Variants in AACS observed in about 807,000 individuals in gnomAD.
AACS encodes acetoacetyl-CoA synthetase, also known as acetoacetate-CoA ligase.
AACS carries 69 observed loss-of-function variants against 83.1 expected under a neutral mutation model. The ratio of observed to expected loss-of-function variants is 0.83; its 90% CI spans 0.68 to 1.01. AACS has a LOEUF of 1.01. Among genes scored for constraint, AACS ranks in the 50% least tolerant of loss-of-function variants. The pLI, the probability that AACS is intolerant of heterozygous loss-of-function variation, is 0.00. For synonymous variants in AACS, 333 were observed against 343.4 expected (o/e 0.97, Z 0.33); for missense variants, 866 against 882.2 (o/e 0.98, Z 0.23).
intron 3 of AACS, among the ~76,000 whole-genome samples, chr12:125,083,660 G>C (rs1186462345): frequency 6.6e-6 from 1 of 151,426 alleles, no homozygotes; most frequent in Non-Finnish European, 1.5e-5. Flanking sequence ...TTTTTTGTTT[G>C]TTTGTTTGTT....
rs746735185 is a variant in AACS at position 125,076,603 on chromosome 12, A to T, written c.350A>T (p.Tyr117Phe). Residue 117 changes from tyrosine to phenylalanine, a missense_variant, in exon 3 of 18, where the codon TAC (tyrosine) becomes TTC (phenylalanine). By Grantham distance (22) the Tyr-to-Phe change is conservative. Transcript: ENST00000316519. ...AAAGAGAATGACAGAGTTGCCCTTT[A>T]CATTGCAAGTAAGTCCTGATGGCGA... The part of the protein sequence containing the change: ...RHKENDRVAL[Y>F]IAREGKEEIV... 3 of 1,614,108 alleles carry T rather than the reference A, an allele frequency of 1.9e-6. No homozygotes were observed. In the South Asian group the frequency reaches 3.3e-5, roughly 18 times the overall value.
At position 125,136,763 on chromosome 12, in the gene AACS, G is replaced by A. The variant is rs200966429; in HGVS notation, c.1780G>A (p.Ala594Thr). The change falls in exon 17 of 18, where the codon GCC becomes ACC. Residue 594 changes from alanine (A) to threonine (T), a missense_variant. By Grantham distance (58) the Ala-to-Thr change is moderately conservative. Transcript: ENST00000316519. ...CTTCCTGAAGATGGCCTCCGGGCAC[G>A]CCTTCCAGCCTGACTTGGTTAAGAG... is the stretch of plus-strand genomic sequence containing the variant. ...ILFLKMASGH[A>T]FQPDLVKRIR... is the part of the protein sequence containing the mutation. The A allele has an allele frequency of 1.5e-5, 24 of 1,613,986 alleles. No homozygotes were observed. The South Asian group carries it at 1.8e-4, about 12-fold the overall frequency.
intron 16 of AACS, 29 bp downstream of exon 16, chr12:125,134,881 C>T (rs942635933): frequency 1.1e-5 from 17 of 1,613,600 alleles, no homozygotes; most frequent in Non-Finnish European, 1.4e-5. Flanking sequence ...TGAGCGTTCT[C>T]CAGTCTCCAG....
chr12:125,073,973 T>C lies in AACS; in HGVS notation c.231T>C (p.Tyr77=), dbSNP rs1955947308. The C allele has an allele frequency of 6.2e-7, 1 of 1,612,226 alleles. No individual in the cohort carries two copies. Among genetic ancestry groups the C allele is most frequent in the East Asian group, 2.2e-5 (1 of 44,892 alleles). ...GTGGAATTGTCTTCTCACGTGTGTA[T>C]GATGAGGTAAGTAGAGATTTTCCGT... is the stretch of plus-strand genomic sequence containing the variant. ...KFSGIVFSRV[Y]DEVVDTSKGI... Residue 77 remains tyrosine (Y), a synonymous_variant, in exon 2 of 18, where the codon TAT becomes TAC. Coordinates refer to ENST00000316519, the MANE Select transcript of AACS (RefSeq NM_023928.5).
chr12:125,067,834 G>A (rs10846819), intron 1 of AACS, among the ~76,000 whole-genome samples: 5 of 152,134 alleles, frequency 3.3e-5, no homozygotes, highest in African/African-American at 4.8e-5. Flanking sequence ...GTGCTCGGCC[G>A]ACTACCTGGG....
chr12:125,102,886 C>T (rs1318120727), intron 6 of AACS, 93 bp downstream of exon 6: 44 of 1,443,132 alleles, frequency 3.0e-5, no homozygotes, highest in Non-Finnish European at 3.9e-5. Flanking sequence ...AGTCTCTGCC[C>T]CAGATTGTGT....
chr12:125,093,724 A>C (rs1381495407), intron 5 of AACS, among the ~76,000 whole-genome samples: 1 of 152,180 alleles, frequency 6.6e-6, no homozygotes, highest in Admixed American at 6.5e-5. Context: ...GTCAGAAAAC[A>C]GGGCCACCTG....
intron 8 of AACS, among the ~76,000 whole-genome samples, chr12:125,114,221 G>C (rs1457770318): frequency 6.6e-6 from 1 of 151,758 alleles, no homozygotes; most frequent in Non-Finnish European, 1.5e-5. Flanking sequence ...GAGAGCTTGA[G>C]GGCAGACAGG....
At chr12:125,118,444 A>T (rs1486671310) in intron 9 of AACS, 197 bp from the exon 10 acceptor site, 2 of 630,826 alleles carry the variant, frequency 3.2e-6, no homozygotes, top group Admixed American at 6.3e-5. Flanking sequence ...CTTCATGCAC[A>T]TGTGTGAATA....
intron 11 of AACS, 55 bp downstream of exon 11, chr12:125,124,824 T>C: frequency 6.2e-7 from 1 of 1,614,094 alleles, no homozygotes; most frequent in South Asian, 1.1e-5. Context: ...GGAAATTAAA[T>C]CCATCCTATT....
At chr12:125,116,887 C>T (rs2136114137) in intron 9 of AACS, among the ~76,000 whole-genome samples, 1 of 150,640 alleles carries the variant, frequency 6.6e-6, no homozygotes, top group African/African-American at 2.4e-5. Flanking sequence ...CTCCCTTCCC[C>T]TCCCTACCTC....
chr12:125,124,740 C>T lies in AACS; in HGVS notation c.1157C>T (p.Ser386Leu). Residue 386 changes from serine to leucine, a missense_variant, in exon 11 of 18, where the codon TCA (serine) becomes TTA (leucine). Physicochemically the swap from Ser to Leu is moderately radical, Grantham distance 145. Transcript: ENST00000316519. ...TVLVTGAKWL[S>L]VLEEKAMKPV... ...CTGGTAACTGGGGCCAAGTGGCTGT[C>T]AGTGCTGGAAGAGAAGGCCATGAAG... 1 of 1,614,150 alleles carries T rather than the reference C, an allele frequency of 6.2e-7. No individual in the cohort carries two copies. Among genetic ancestry groups the T allele is most frequent in the Non-Finnish European group, 8.5e-7 (1 of 1,180,040 alleles).
At chr12:125,073,519 G>A (rs538068326) in intron 1 of AACS, among the ~76,000 whole-genome samples, 1 of 152,286 alleles carries the variant, frequency 6.6e-6, no homozygotes, top group East Asian at 1.9e-4. Flanking sequence ...GCTGGAGGGG[G>A]ATTATTAATT....
At chr12:125,078,513 C>T (rs551196739) in intron 3 of AACS, 21 of 367,038 alleles carry the variant, frequency 5.7e-5, no homozygotes, top group Non-Finnish European at 1.0e-4. Context: ...ATTTGTTCCT[C>T]AGATCTGTAT....
In AACS at chr12:125,118,758, A is replaced by C; in HGVS notation, c.1114A>C (p.Arg372=). ...TPNVLWDLVD[R]IGITVLVTGA... ...CAATGTGCTCTGGGACCTGGTTGACAGGATAGGGTAGGTACCAAGATGCTG... is the reference window on the plus strand; with the variant it reads ...CAATGTGCTCTGGGACCTGGTTGACCGGATAGGGTAGGTACCAAGATGCTG... Residue 372 remains arginine, a synonymous_variant, in exon 10 of 18, where the codon AGG becomes CGG. Transcript: ENST00000316519. 6.2e-7 allele frequency: 1 copy of C among 1,614,076 alleles called. No individual in the cohort carries two copies. The highest frequency in any genetic ancestry group is 8.5e-7 in the Non-Finnish European group (1 of 1,179,966).
intron 17 of AACS, chr12:125,139,320 G>C (rs1444913634): frequency 1.3e-5 from 2 of 152,372 alleles, no homozygotes; most frequent in African/African-American, 4.8e-5. Flanking sequence ...GGCCCCGGGG[G>C]ACTGGGGAGG....
intron 1 of AACS, among the ~76,000 whole-genome samples, chr12:125,072,919 G>GTTTTT (rs200182531): frequency 1.1e-5 from 1 of 90,390 alleles, no homozygotes; most frequent in African/African-American, 4.6e-5. Context: ...TGTAACTTTT[G>GTTTTT]TTTTTTTTTT....
intron 1 of AACS, 76 bp downstream of exon 1, chr12:125,065,793 G>A (rs1955674381): frequency 1.4e-6 from 2 of 1,413,770 alleles, no homozygotes; most frequent in South Asian, 3.1e-5. Context: ...GTCTCCCCAT[G>A]GCTAGTTTCA....
intron 10 of AACS, chr12:125,123,507 G>A (rs1490140605): frequency 6.6e-6 from 1 of 152,226 alleles, no homozygotes; most frequent in African/African-American, 2.4e-5. Context: ...GAGAACGAAG[G>A]TGTGGGAGGT....
Sources: allele counts gnomAD v4.1 joint callset (sites outside exome capture counted in the v4.1 genomes callset), GRCh38; gene constraint gnomAD v4.1.1; transcripts MANE v1.5; gene names NCBI Gene and HGNC (gene_info 2026-07-23, HGNC 2026-07-21).